TTC8: variants seen among roughly 807,000 people sequenced by gnomAD.
TTC8 encodes tetratricopeptide repeat protein 8.
A neutral mutation model predicts 72.5 loss-of-function variants in TTC8; 47 were observed. That is an observed-to-expected ratio of 0.65 (90% CI 0.51 to 0.83). TTC8 has a LOEUF of 0.83. Among genes scored for constraint, TTC8 ranks in the 40% least tolerant of loss-of-function variants. TTC8 has a pLI of 0.00. For synonymous variants in TTC8, 199 were observed against 221.4 expected (o/e 0.90, Z 0.90); for missense variants, 611 against 623.2 (o/e 0.98, Z 0.21).
intron 1 of TTC8, chr14:88,831,129 G>A: frequency 4.3e-6 from 1 of 234,598 alleles, no homozygotes; most frequent in South Asian, 4.7e-5. Flanking sequence ...ACCAGCAGAT[G>A]GCAAGGAAAG....
upstream of TTC8, chr14:88,824,608 C>A (rs755709194): frequency 1.5e-4 from 139 of 935,692 alleles, no homozygotes; most frequent in Non-Finnish European, 2.1e-4. Context: ...AAGGCCCCAG[C>A]CGTCGCGGGT....
At chr14:88,853,159 G>A in intron 8 of TTC8, 103 bp downstream of exon 8, 1 of 807,504 alleles carries the variant, frequency 1.2e-6, no homozygotes, top group Non-Finnish European at 2.1e-6. Flanking sequence ...GAAGAAATGA[G>A]AACTGTGTCT....
At position 88,875,020 on chromosome 14, in the gene TTC8, A is replaced by G; in HGVS notation, c.1348-6A>G. ...TGGTTTTTCTTTTCTTTATTTTTAT[A>G]CACAGGCAAGGGCACTATTACAAAC... is the stretch of plus-strand genomic sequence containing the variant. On this transcript the variant is annotated splice_region_variant and splice_polypyrimidine_tract_variant and intron_variant, in intron 13 of 14. Coordinates refer to ENST00000380656, the MANE Select transcript of TTC8 (RefSeq NM_144596.4). 1 of 1,609,392 alleles carries G rather than the reference A, an allele frequency of 6.2e-7. No homozygotes were observed. The highest frequency in any genetic ancestry group is 8.5e-7 in the Non-Finnish European group (1 of 1,178,106).
rs2141036012 is a variant in TTC8, at chr14:88,871,318, G to T, written c.1050-231G>T. On this transcript the variant is annotated intron_variant, in intron 11 of 14. Coordinates refer to ENST00000380656, the MANE Select transcript of TTC8 (RefSeq NM_144596.4). The surrounding 1 kb of genome is among the most constrained non-coding windows in gnomAD (Gnocchi z 4.1). ...TTTGGGGAGAAAACTTAGATCAGTTGTTTGTCTTTGTCTCTAGACACATTC... is the reference window on the plus strand; with the variant it reads ...TTTGGGGAGAAAACTTAGATCAGTTTTTTGTCTTTGTCTCTAGACACATTC... Among the ~76,000 whole-genome samples, 1 of 152,254 alleles carries T rather than the reference G, an allele frequency of 6.6e-6. No individual in the cohort carries two copies. The highest frequency in any genetic ancestry group is 6.5e-5 in the Admixed American group (1 of 15,292).
Position 88,839,540 on chromosome 14 carries a change from T to C in TTC8, c.233T>C (p.Met78Thr), listed in dbSNP as rs1471029446. 1.9e-6 allele frequency: 3 copies of C among 1,613,312 alleles called. No homozygotes were observed. Among genetic ancestry groups the C allele is most frequent in the East Asian group, 2.2e-5 (1 of 44,718 alleles). The change falls in exon 3 of 15, where the codon ATG (methionine) becomes ACG (threonine). Residue 78 changes from methionine to threonine, a missense_variant. Transcript: ENST00000380656. The stretch of plus-strand genomic sequence containing the variant: ...GATCAGGAAGGAATTGCAGAAATGA[T>C]GCTGGATGAAAATGCTATAGCTCAA... ...DVDQEGIAEM[M>T]LDENAIAQVP...
At chr14:88,845,602 G>A (rs2094802574) in intron 7 of TTC8, among the ~76,000 whole-genome samples, 1 of 152,160 alleles carries the variant, frequency 6.6e-6, no homozygotes, top group South Asian at 2.1e-4. Context: ...AAGCTGGTGA[G>A]GGGCTTTCAG....
In TTC8 at chr14:88,841,196, G is replaced by A. The variant is rs119103286; in HGVS notation, c.489G>A (p.Thr163=). 5.5e-5 allele frequency: 89 copies of A among 1,613,784 alleles called. No homozygotes were observed. Among genetic ancestry groups the A allele is most frequent in the Non-Finnish European group, 7.1e-5 (84 of 1,179,970 alleles). Residue 163 remains threonine (T), a splice_region_variant and synonymous_variant, in exon 5 of 15, where the codon ACG becomes ACA. Coordinates refer to ENST00000380656, the MANE Select transcript of TTC8 (RefSeq NM_144596.4). ...SSSGRFVRLG[T]ASMLTSPDGP... The stretch of plus-strand genomic sequence containing the variant: ...CCGGAAGATTTGTCAGGCTGGGAAC[G>A]GTAAATTCTATCAGCTTTCCCATAG...
intron 7 of TTC8, among the ~76,000 whole-genome samples, chr14:88,850,018 G>A (rs994462592): frequency 6.6e-6 from 1 of 151,704 alleles, no homozygotes; most frequent in African/African-American, 2.4e-5. Flanking sequence ...TCCTACTTTT[G>A]GACTTTTATA....
chr14:88,855,180 T>C (rs2094850454), intron 8 of TTC8, among the ~76,000 whole-genome samples: 1 of 152,258 alleles, frequency 6.6e-6, no homozygotes, highest in African/African-American at 2.4e-5. Context: ...CTCAAAGCAC[T>C]TTTTTCCTGA....
chr14:88,825,962 G>GT (rs943054079), intron 1 of TTC8, among the ~76,000 whole-genome samples: 3 of 151,840 alleles, frequency 2.0e-5, no homozygotes, highest in Admixed American at 2.0e-4. Context: ...TTTTTCCAAG[G>GT]TTTTTTTAAA....
chr14:88,824,867 G>T, intron 1 of TTC8, 46 bp downstream of exon 1: 1 of 1,534,446 alleles, frequency 6.5e-7, no homozygotes. Context: ...CGCTGAGGCT[G>T]CGGGGTCTGG....
rs770850287 is a variant in TTC8, at chr14:88,824,789, A to T, written c.82A>T (p.Thr28Ser). 1 of 1,613,424 alleles carries T rather than the reference A, an allele frequency of 6.2e-7. No homozygotes were observed. Among genetic ancestry groups the T allele is most frequent in the Non-Finnish European group, 8.5e-7 (1 of 1,179,770 alleles). ...GTTCCAGCTCTGCGCCGATCTATGC[A>T]CGCAGATGCTGGAGAAGTCCCCTTA... is the stretch of plus-strand genomic sequence containing the variant. Reference protein sequence around the residue: ...RKFQLCADLCTQMLEKSPYDQ... With the variant: ...RKFQLCADLCSQMLEKSPYDQ... The change falls in exon 1 of 15, where the codon ACG becomes TCG. Residue 28 changes from threonine (T) to serine (S), a missense_variant. Physicochemically the swap from Thr to Ser is moderately conservative, Grantham distance 58 (BLOSUM62 1). Transcript: ENST00000380656.
chr14:88,850,407 G>T (rs2094828171), intron 7 of TTC8, among the ~76,000 whole-genome samples: 2 of 152,170 alleles, frequency 1.3e-5, no homozygotes, highest in African/African-American at 2.4e-5. Context: ...GTCCCAGATG[G>T]GCCAGGAATG....
chr14:88,832,033 C>A (rs1335070145), intron 1 of TTC8, among the ~76,000 whole-genome samples: 1 of 152,134 alleles, frequency 6.6e-6, no homozygotes, highest in East Asian at 1.9e-4. Context: ...TAGGCCTGGT[C>A]TCCATTTTCC....
intron 10 of TTC8, among the ~76,000 whole-genome samples, chr14:88,867,048 G>A (rs1243453104): frequency 1.3e-5 from 2 of 152,140 alleles, no homozygotes; most frequent in African/African-American, 2.4e-5. Flanking sequence ...CAGCAAAGAT[G>A]AAGAAGTTCT....
intron 1 of TTC8, among the ~76,000 whole-genome samples, chr14:88,831,331 T>G (rs770795905): frequency 6.6e-6 from 1 of 152,214 alleles, no homozygotes; most frequent in Non-Finnish European, 1.5e-5. Flanking sequence ...CACCCCTTAA[T>G]TTGCATGTAA....
At chr14:88,831,021 C>CTA in intron 1 of TTC8, 2 of 405,764 alleles carry the variant, frequency 4.9e-6, no homozygotes, top group South Asian at 3.5e-5. Context: ...CAAATACTGC[C>CTA]TCTATACCTT....
chr14:88,860,899 G>C (rs1306553878), intron 9 of TTC8, among the ~76,000 whole-genome samples: 2 of 151,492 alleles, frequency 1.3e-5, no homozygotes, highest in Non-Finnish European at 2.9e-5. Flanking sequence ...GACCTCCCAG[G>C]CTCTAGTGAT....
upstream of TTC8, chr14:88,824,580 T>C (rs1373064983): frequency 1.5e-6 from 1 of 685,658 alleles, no homozygotes; most frequent in Non-Finnish European, 2.5e-6. Flanking sequence ...TCAGGCGCGC[T>C]GCGGGCACCT....
Sources: allele counts gnomAD v4.1 joint callset (sites outside exome capture counted in the v4.1 genomes callset), GRCh38; gene constraint gnomAD v4.1.1; non-coding constraint Gnocchi (gnomAD v3.1); transcripts MANE v1.5; gene names NCBI Gene and HGNC (gene_info 2026-07-23, HGNC 2026-07-21).